Variants in OSMR observed in about 807,000 individuals in gnomAD.
The protein encoded by OSMR is oncostatin-M-specific receptor subunit beta.
OSMR carries 81 observed loss-of-function variants against 99.9 expected under a neutral mutation model. The ratio of observed to expected loss-of-function variants is 0.81; its 90% CI spans 0.68 to 0.97. The LOEUF (loss-of-function observed/expected upper bound fraction) is 0.97. OSMR is among the 50% of genes least tolerant of loss of function. The probability of loss-of-function intolerance (pLI) is 0.00; values close to 1 mark genes in which losing one functional copy is unlikely to be tolerated. For synonymous variants in OSMR, 406 were observed against 410.4 expected (o/e 0.99, Z 0.13); for missense variants, 1,099 against 1,153.4 (o/e 0.95, Z 0.68).
chr5:38,933,326 A>C lies in OSMR; in HGVS notation c.2822A>C (p.His941Pro). Reference protein sequence around the residue: ...SLPTNPVEAPHCSEYKMQMAV... With the variant: ...SLPTNPVEAPPCSEYKMQMAV... Reference sequence around the variant, plus strand: ...CCAACAAACCCAGTAGAGGCACCACACTGTTCAGAGTATAAAATGCAAATG... The same window carrying C: ...CCAACAAACCCAGTAGAGGCACCACCCTGTTCAGAGTATAAAATGCAAATG... Residue 941 changes from histidine (H) to proline (P), a missense_variant, in exon 18 of 18, where the codon CAC becomes CCC. Coordinates refer to ENST00000274276, the MANE Select transcript of OSMR (RefSeq NM_003999.3). 1.2e-6 allele frequency: 2 copies of C among 1,614,138 alleles called. No individual in the cohort carries two copies. The highest frequency in any genetic ancestry group is 1.7e-6 in the Non-Finnish European group (2 of 1,179,996).
chr5:38,877,596 T>G, intron 3 of OSMR, among the ~76,000 whole-genome samples: 1 of 152,184 alleles, frequency 6.6e-6, no homozygotes, highest in East Asian at 1.9e-4. Context: ...TGGGTACACT[T>G]GTTGGTAATT....
At chr5:38,914,489 C>T (rs1307429292) in intron 9 of OSMR, among the ~76,000 whole-genome samples, 1 of 152,196 alleles carries the variant, frequency 6.6e-6, no homozygotes, top group Non-Finnish European at 1.5e-5. Flanking sequence ...TACTGTTCCA[C>T]CCAGCAATCC....
chr5:38,924,421 G>T lies in OSMR; in HGVS notation c.1871-1G>T, dbSNP rs1264074819. The T allele has an allele frequency of 1.9e-6, 3 of 1,613,926 alleles. No individual in the cohort carries two copies. The Admixed American group carries it at 5.0e-5, about 27-fold the overall frequency. The stretch of plus-strand genomic sequence containing the variant: ...TCTCTTATCCCAACTTCTTTTCCTA[G>T]CTCCTTCAGACAACCCTCACGTGCT... On this transcript the variant is annotated splice_acceptor_variant, in intron 13 of 17. Transcript: ENST00000274276. LOFTEE classifies it high-confidence loss of function.
At chr5:38,868,488 C>G (rs1230694099) in intron 1 of OSMR, among the ~76,000 whole-genome samples, 2 of 152,166 alleles carry the variant, frequency 1.3e-5, no homozygotes, top group African/African-American at 4.8e-5. Context: ...CTTTTCTGTG[C>G]TATTCTCGTG....
chr5:38,851,811 C>T (rs924249055), intron 1 of OSMR, among the ~76,000 whole-genome samples: 4 of 152,138 alleles, frequency 2.6e-5, no homozygotes, highest in Non-Finnish European at 4.4e-5. Flanking sequence ...TACGAGATAA[C>T]GGAATCATGG....
At chr5:38,865,399 T>G (rs1349587225) in intron 1 of OSMR, among the ~76,000 whole-genome samples, 2 of 152,204 alleles carry the variant, frequency 1.3e-5, no homozygotes, top group Non-Finnish European at 2.9e-5. Context: ...AGGGAAAAAT[T>G]TTTTTCCTAT....
At chr5:38,924,877 C>CTTTT (rs3056139) in intron 14 of OSMR, among the ~76,000 whole-genome samples, 31 of 149,114 alleles carry the variant, frequency 2.1e-4, no homozygotes, top group East Asian at 1.4e-3. Context: ...AAACTTTCCT[C>CTTTT]TTTTTTTTTT....
intron 7 of OSMR, among the ~76,000 whole-genome samples, chr5:38,903,430 A>T (rs1745021661): frequency 6.6e-6 from 1 of 152,246 alleles, no homozygotes; most frequent in Non-Finnish European, 1.5e-5. Flanking sequence ...TCCTCTTTCT[A>T]GGGAGGACTG....
chr5:38,942,384 G>GA (rs757992591), intron 1 of OSMR: 3 of 1,566,664 alleles, frequency 1.9e-6, no homozygotes, highest in Middle Eastern at 1.7e-4. Context: ...TGCATCTAGG[G>GA]AAAAAATGGT....
In OSMR at chr5:38,885,392, C is replaced by G; in HGVS notation, c.747C>G (p.Asp249Glu). ...EPKDFSCETE[D>E]FKTLHCTWDP... ...AGGACTTTTCTTGTGAAACCGAGGA[C>G]TTCAAGACTTTGCACTGTACTTGGG... The change falls in exon 6 of 18, where the codon GAC becomes GAG. Residue 249 changes from aspartate (D) to glutamate (E), a missense_variant. Coordinates refer to ENST00000274276, the MANE Select transcript of OSMR (RefSeq NM_003999.3). 6.2e-7 allele frequency: 1 copy of G among 1,613,828 alleles called. No individual in the cohort carries two copies. The highest frequency in any genetic ancestry group is 8.5e-7 in the Non-Finnish European group (1 of 1,179,844).
chr5:38,869,626 C>T (rs755871356), intron 2 of OSMR, among the ~76,000 whole-genome samples: 1 of 152,078 alleles, frequency 6.6e-6, no homozygotes, highest in Admixed American at 6.5e-5. Context: ...AGACAATATG[C>T]TAAATGCTGA....
At chr5:38,903,389 A>C (rs1745019031) in intron 7 of OSMR, among the ~76,000 whole-genome samples, 1 of 152,250 alleles carries the variant, frequency 6.6e-6, no homozygotes, top group African/African-American at 2.4e-5. Context: ...GTGACAACAC[A>C]TGACTCGCTG....
intron 7 of OSMR, chr5:38,886,431 T>C: frequency 9.1e-7 from 1 of 1,104,480 alleles, no homozygotes; most frequent in Non-Finnish European, 1.2e-6. Flanking sequence ...AAACTAGGAC[T>C]CTAACAATAA....
intron 2 of OSMR, among the ~76,000 whole-genome samples, chr5:38,874,978 G>A (rs1029896487): frequency 3.3e-5 from 5 of 152,140 alleles, no homozygotes; most frequent in South Asian, 2.1e-4. Flanking sequence ...GTGCAGAATG[G>A]CAATTTGGGG....
chr5:38,847,178 T>C lies in OSMR; in HGVS notation c.-14+791T>C, dbSNP rs546610283. 1.4e-4 allele frequency among the ~76,000 whole-genome samples: 21 copies of C among 152,296 alleles called. No individual in the cohort carries two copies. In the South Asian group the frequency reaches 4.1e-3, roughly 30 times the overall value. On this transcript the variant is annotated intron_variant, in intron 1 of 17. Transcript: ENST00000274276. ...GGAATTCTGATGGAGGAGAAAGAAA[T>C]TTTTAGGTTTTATTCCCAAGATTAA...
chr5:38,848,001 T>C (rs954953851), intron 1 of OSMR, among the ~76,000 whole-genome samples: 1 of 152,156 alleles, frequency 6.6e-6, no homozygotes, highest in African/African-American at 2.4e-5. Context: ...CCTGGATCTC[T>C]CATGTTTTTG....
downstream of OSMR, among the ~76,000 whole-genome samples, chr5:38,937,337 G>A (rs1747097161): frequency 6.6e-6 from 1 of 152,206 alleles, no homozygotes; most frequent in African/African-American, 2.4e-5. This position sits in a 1 kb window ranked among gnomAD's most constrained non-coding sequence, Gnocchi z 4.0. Flanking sequence ...CCGGCCAAGA[G>A]GCCAACTATA....
chr5:38,896,527 C>A (rs1262061276), intron 7 of OSMR, among the ~76,000 whole-genome samples: 3 of 151,978 alleles, frequency 2.0e-5, no homozygotes, highest in African/African-American at 7.2e-5. Flanking sequence ...ATTTGTTGAT[C>A]AGTTCTAATA....
downstream of OSMR, among the ~76,000 whole-genome samples, chr5:38,936,225 G>A (rs761821977): frequency 6.6e-6 from 1 of 152,002 alleles, no homozygotes; most frequent in Non-Finnish European, 1.5e-5. Flanking sequence ...CCACACCCCT[G>A]TTCGCTTTCT....
Sources: allele counts gnomAD v4.1 joint callset (sites outside exome capture counted in the v4.1 genomes callset), GRCh38; gene constraint gnomAD v4.1.1; non-coding constraint Gnocchi (gnomAD v3.1); transcripts MANE v1.5; gene names NCBI Gene and HGNC (gene_info 2026-07-23, HGNC 2026-07-21).